Variants in NXPH4 observed in about 807,000 individuals in gnomAD.
NXPH4 encodes the protein neurexophilin 4, also known as neurexophilin-4.
In NXPH4, 8 loss-of-function variants were observed where a neutral mutation model predicts 21.3. The observed-to-expected ratio is 0.38, with a 90% CI of 0.22 to 0.68. The LOEUF (loss-of-function observed/expected upper bound fraction) is 0.68. Ranked by LOEUF, NXPH4 falls within the 30% of genes least tolerant of loss-of-function variation. The pLI is 0.53. For missense variants in NXPH4, 418 were observed against 416.8 expected (o/e 1.00, Z -0.03); for synonymous variants, 219 against 192.6 (o/e 1.14, Z -1.13).
chr12:57,224,122 T>A (rs1205975230), intron 1 of NXPH4, among the ~76,000 whole-genome samples: 2 of 151,064 alleles, frequency 1.3e-5, no homozygotes, highest in East Asian at 3.9e-4. Flanking sequence ...TTTCCTTTTT[T>A]CTTTTCTTTT....
chr12:57,222,872 G>A (rs1485831114), intron 1 of NXPH4, among the ~76,000 whole-genome samples: 1 of 152,206 alleles, frequency 6.6e-6, no homozygotes, highest in East Asian at 1.9e-4. Flanking sequence ...TATGTATGAC[G>A]AGCGGGTGGT....
intron 1 of NXPH4, among the ~76,000 whole-genome samples, chr12:57,222,826 G>C (rs2136770733): frequency 6.6e-6 from 1 of 152,316 alleles, no homozygotes; most frequent in African/African-American, 2.4e-5. Flanking sequence ...GCTGAGAGGA[G>C]GGATGGATGG....
chr12:57,220,367 C>A (rs530415457), intron 1 of NXPH4, among the ~76,000 whole-genome samples: 1 of 152,344 alleles, frequency 6.6e-6, no homozygotes, highest in Non-Finnish European at 1.5e-5. Context: ...TTTATAGGCA[C>A]ATTTATTGCA....
At chr12:57,217,649 G>GT (rs1339462870) in intron 1 of NXPH4, among the ~76,000 whole-genome samples, 2 of 152,180 alleles carry the variant, frequency 1.3e-5, no homozygotes, top group African/African-American at 4.8e-5. Context: ...AGGCTGTCTG[G>GT]AAGGGGAGTC....
In NXPH4 at chr12:57,225,983, G is replaced by C; in HGVS notation, c.*236G>C. 1 of 1,381,626 alleles carries C rather than the reference G, an allele frequency of 7.2e-7. No individual in the cohort carries two copies. Among genetic ancestry groups the C allele is most frequent in the Non-Finnish European group, 9.5e-7 (1 of 1,058,182 alleles). The allele number at this position is 1,381,626 out of a possible 1,614,324, so 85.6% of individuals were successfully genotyped here. On this transcript the variant is annotated 3_prime_UTR_variant, in exon 2 of 2. Transcript: ENST00000349394. ...ACACCCCAAAGTGAAAGGGATAAGA[G>C]TGCAGCCCCAGAATAGGCGGGGCTT...
chr12:57,225,121 C>T lies in NXPH4; in HGVS notation c.301C>T (p.Arg101Cys). The T allele has an allele frequency of 6.5e-7, 1 of 1,530,070 alleles. No individual in the cohort carries two copies. The highest frequency in any genetic ancestry group is 8.8e-7 in the Non-Finnish European group (1 of 1,137,348). The allele number at this position is 1,530,070 out of a possible 1,614,324, so 94.8% of individuals were successfully genotyped here. A position where few individuals can be genotyped will look rare whatever the true frequency, so the allele number is the denominator to read the frequency against. The change falls in exon 2 of 2, where the codon CGC (arginine) becomes TGC (cysteine). Residue 101 changes from arginine to cysteine, a missense_variant. Transcript: ENST00000349394. ...TKRKPSIKAA[R>C]AKKIFGWGDF... ...GAGGAAGCCGTCCATCAAGGCGGCG[C>T]GCGCCAAAAAGATCTTCGGCTGGGG...
chr12:57,224,408 C>T (rs2037121917), intron 1 of NXPH4, among the ~76,000 whole-genome samples: 1 of 152,216 alleles, frequency 6.6e-6, no homozygotes, highest in African/African-American at 2.4e-5. Context: ...AGGCGTGAGT[C>T]ACCGCGTGTG....
In NXPH4 at chr12:57,225,204, C is replaced by G. The variant is rs765487995; in HGVS notation, c.384C>G (p.Ile128Met). 1 of 1,589,954 alleles carries G rather than the reference C, an allele frequency of 6.3e-7. No homozygotes were observed. The highest frequency in any genetic ancestry group is 2.2e-5 in the East Asian group (1 of 44,542). ...LKFSLLVTGK[I>M]VDHVNGTFSV... Reference sequence around the variant, plus strand: ...TTTCGCTGCTGGTGACCGGCAAGATCGTGGACCATGTGAACGGTACCTTCA... The same window carrying G: ...TTTCGCTGCTGGTGACCGGCAAGATGGTGGACCATGTGAACGGTACCTTCA... Residue 128 changes from isoleucine to methionine, a missense_variant, in exon 2 of 2, where the codon ATC (isoleucine) becomes ATG (methionine). Transcript: ENST00000349394.
intron 1 of NXPH4, among the ~76,000 whole-genome samples, chr12:57,219,022 G>A (rs963482130): frequency 2.0e-5 from 3 of 152,146 alleles, no homozygotes; most frequent in African/African-American, 7.2e-5. Flanking sequence ...ATGAGATTGT[G>A]AGCCTCAGGA....
chr12:57,218,894 A>G (rs1432031848), intron 1 of NXPH4, among the ~76,000 whole-genome samples: 1 of 152,062 alleles, frequency 6.6e-6, no homozygotes, highest in African/African-American at 2.4e-5. Flanking sequence ...ATGCACATGT[A>G]TACCCCGGGG....
At position 57,217,629 on chromosome 12, in the gene NXPH4, C is replaced by CG. The variant is rs557615448; in HGVS notation, c.57+603_57+604insG. On this transcript the variant is annotated intron_variant, in intron 1 of 1. Coordinates refer to ENST00000349394, the MANE Select transcript of NXPH4 (RefSeq NM_007224.4). ...AGACACACCCCCCTCTCGTGCCCCACTGAAGGGGGAGGCTGTCTGGAAGGG... is the reference window on the plus strand; with the variant it reads ...AGACACACCCCCCTCTCGTGCCCCACGTGAAGGGGGAGGCTGTCTGGAAGGG... Among the ~76,000 whole-genome samples the CG allele has an allele frequency of 1.6e-3, 238 of 152,328 alleles. 2 individuals are homozygous for CG. Among genetic ancestry groups the CG allele is most frequent in the African/African-American group, 5.2e-3 (216 of 41,570 alleles).
At chr12:57,222,351 C>T (rs1037655662) in intron 1 of NXPH4, among the ~76,000 whole-genome samples, 19 of 152,114 alleles carry the variant, frequency 1.2e-4, no homozygotes, top group African/African-American at 4.6e-4. Context: ...CTCCTCCCCT[C>T]CCCCTGCCCC....
intron 1 of NXPH4, among the ~76,000 whole-genome samples, chr12:57,217,807 C>T (rs1487878631): frequency 6.6e-6 from 1 of 152,194 alleles, no homozygotes; most frequent in Non-Finnish European, 1.5e-5. Flanking sequence ...ATGCTGTGCT[C>T]ATATGTGCTG....
At chr12:57,219,187 C>T (rs1303791502) in intron 1 of NXPH4, among the ~76,000 whole-genome samples, 2 of 152,028 alleles carry the variant, frequency 1.3e-5, no homozygotes, top group Non-Finnish European at 2.9e-5. Flanking sequence ...TAACCATGAA[C>T]GGCTGACACC....
At position 57,216,934 on chromosome 12, in the gene NXPH4, AC is replaced by A. The variant is rs2037044593; in HGVS notation, c.-33del. On this transcript the variant is annotated 5_prime_UTR_variant, in exon 1 of 2. Coordinates refer to ENST00000349394, the MANE Select transcript of NXPH4 (RefSeq NM_007224.4). The surrounding 1 kb of genome is among the most constrained non-coding windows in gnomAD (Gnocchi z 5.3). Reference sequence around the variant, plus strand: ...TAGGCCTGGCTCCCGCCTGCCCGAGACCCGCCCAGCCTGCCCCGCTCAGCCG... The same window carrying A: ...TAGGCCTGGCTCCCGCCTGCCCGAGACCGCCCAGCCTGCCCCGCTCAGCCG... The A allele has an allele frequency of 6.5e-7, 1 of 1,529,258 alleles. No homozygotes were observed. Among genetic ancestry groups the A allele is most frequent in the Non-Finnish European group, 8.8e-7 (1 of 1,137,290 alleles). The allele number at this position is 1,529,258 out of a possible 1,614,324, so 94.7% of individuals were successfully genotyped here.
At position 57,226,282 on chromosome 12, in the gene NXPH4, C is replaced by A. The variant is rs1592676384; in HGVS notation, c.*535C>A. 3.6e-6 allele frequency: 1 copy of A among 274,652 alleles called. No individual in the cohort carries two copies. The highest frequency in any genetic ancestry group is 6.8e-6 in the Non-Finnish European group (1 of 146,990). 17.0% of individuals were successfully genotyped at this position (274,652 alleles called of 1,614,324 possible). On this transcript the variant is annotated 3_prime_UTR_variant, in exon 2 of 2. Coordinates refer to ENST00000349394, the MANE Select transcript of NXPH4 (RefSeq NM_007224.4). ...CCCTATTAGGGTACCGGAAGCAGAA[C>A]CCCTGGGCTGAGGCCCTGGCCCTGC...
In NXPH4 at chr12:57,225,201, G is replaced by A; in HGVS notation, c.381G>A (p.Lys127=). The A allele has an allele frequency of 6.3e-7, 1 of 1,589,448 alleles. No individual in the cohort carries two copies. Among genetic ancestry groups the A allele is most frequent in the Admixed American group, 1.8e-5 (1 of 56,274 alleles). ...AGTTTTCGCTGCTGGTGACCGGCAA[G>A]ATCGTGGACCATGTGAACGGTACCT... is the stretch of plus-strand genomic sequence containing the variant. The part of the protein sequence containing the change: ...TLKFSLLVTG[K]IVDHVNGTFS... Residue 127 remains lysine (K), a synonymous_variant, in exon 2 of 2, where the codon AAG becomes AAA. Coordinates refer to ENST00000349394, the MANE Select transcript of NXPH4 (RefSeq NM_007224.4).
At chr12:57,217,546 A>T (rs553961658) in intron 1 of NXPH4, among the ~76,000 whole-genome samples, 10 of 152,298 alleles carry the variant, frequency 6.6e-5, no homozygotes, top group Admixed American at 2.6e-4. Flanking sequence ...GAACTTGGCT[A>T]CAGCCAGCCT....
intron 1 of NXPH4, among the ~76,000 whole-genome samples, chr12:57,224,110 C>T (rs567907999): frequency 6.6e-6 from 1 of 152,076 alleles, no homozygotes; most frequent in East Asian, 1.9e-4. Context: ...TTTTTCTTTT[C>T]CTTTCCTTTT....
Sources: allele counts gnomAD v4.1 joint callset (sites outside exome capture counted in the v4.1 genomes callset), GRCh38; gene constraint gnomAD v4.1.1; non-coding constraint Gnocchi (gnomAD v3.1); transcripts MANE v1.5; gene names NCBI Gene and HGNC (gene_info 2026-07-23, HGNC 2026-07-21).